TRIM16: variants seen among roughly 807,000 people sequenced by gnomAD.
TRIM16 encodes the protein tripartite motif containing 16.
TRIM16 carries 33 observed loss-of-function variants against 50.4 expected under a neutral mutation model. The ratio of observed to expected loss-of-function variants is 0.65; its 90% CI spans 0.50 to 0.88. TRIM16 has a LOEUF of 0.88. Ranked by LOEUF, TRIM16 falls within the 40% of genes least tolerant of loss-of-function variation. TRIM16 has a pLI of 0.00. For synonymous variants in TRIM16, 229 were observed against 270.7 expected (o/e 0.85, Z 1.51); for missense variants, 581 against 686.8 (o/e 0.85, Z 1.72).
chr17:15,676,671 G>A (rs1988963594), intron 6 of TRIM16, among the ~76,000 whole-genome samples: 2 of 151,786 alleles, frequency 1.3e-5, no homozygotes, highest in South Asian at 2.1e-4. Context: ...TCCTGACCTC[G>A]TGATCCGCCC....
intron 6 of TRIM16, among the ~76,000 whole-genome samples, chr17:15,657,620 G>C (rs1302287739): frequency 1.3e-5 from 2 of 152,160 alleles, no homozygotes; most frequent in Non-Finnish European, 2.9e-5. Flanking sequence ...CACTTCATAG[G>C]AGTGAAATCA....
chr17:15,632,003 C>A, intron 10 of TRIM16: 2 of 427,478 alleles, frequency 4.7e-6, no homozygotes, highest in South Asian at 2.4e-5. Context: ...ATAAGCATGA[C>A]TAATTGTCCT....
At chr17:15,675,165 A>G (rs1347298167) in intron 6 of TRIM16, among the ~76,000 whole-genome samples, 2 of 152,158 alleles carry the variant, frequency 1.3e-5, no homozygotes, top group East Asian at 1.9e-4. Context: ...TTTAGAGTCT[A>G]TTAGGCTAGT....
rs1987683944 is a variant in TRIM16, at chr17:15,651,268, C to T, written c.342G>A (p.Leu114=). 1 of 1,614,128 alleles carries T rather than the reference C, an allele frequency of 6.2e-7. No individual in the cohort carries two copies. The highest frequency in any genetic ancestry group is 1.7e-5 in the Admixed American group (1 of 60,014). The change falls in exon 7 of 12, where the codon CTG becomes CTA. Residue 114 remains leucine, a synonymous_variant. Transcript: ENST00000649191. The part of the protein sequence containing the change: ...HLQPHQVNIK[L]QSHLLTEPVK... ...CTGGCTCGGTCAGCAGGTGGCTTTG[C>T]AGTTTGATGTTCACCTGATGCGGCT...
intron 6 of TRIM16, among the ~76,000 whole-genome samples, chr17:15,660,897 CAAAAAAAA>C (rs550489491): frequency 1.5e-4 from 9 of 60,144 alleles, no homozygotes; most frequent in African/African-American, 5.1e-4. Context: ...GACTCCATCT[CAAAAAAAA>C]AAAAAAAAAA....
chr17:15,634,580 G>A (rs1472084035), intron 9 of TRIM16, among the ~76,000 whole-genome samples: 39 of 138,784 alleles, frequency 2.8e-4, no homozygotes, highest in African/African-American at 9.8e-4. Context: ...GCAGTGAGCA[G>A]AGATCGTGCC....
chr17:15,654,999 GA>G (rs11440436), intron 6 of TRIM16, among the ~76,000 whole-genome samples: 85 of 147,506 alleles, frequency 5.8e-4, no homozygotes, highest in Non-Finnish European at 6.9e-4. Context: ...TTTAAAAATT[GA>G]AAAAAAAAAA....
chr17:15,631,238 G>A (rs1351828642), intron 11 of TRIM16, among the ~76,000 whole-genome samples: 2 of 152,018 alleles, frequency 1.3e-5, no homozygotes, highest in Non-Finnish European at 2.9e-5. Flanking sequence ...TTGGACTTTG[G>A]GCCAGAAAAA....
intron 3 of TRIM16, among the ~76,000 whole-genome samples, chr17:15,681,932 T>G (rs1989200807): frequency 6.6e-6 from 1 of 152,256 alleles, no homozygotes; most frequent in Admixed American, 6.5e-5. Flanking sequence ...GTAGAATTCA[T>G]GCCTCCTGTA....
chr17:15,683,358 T>C, intron 1 of TRIM16: 1 of 435,356 alleles, frequency 2.3e-6, no homozygotes, highest in Non-Finnish European at 4.2e-6. Flanking sequence ...ACTAGGGCCC[T>C]GCAGAGTCAG....
chr17:15,655,644 G>A (rs1177276961), intron 6 of TRIM16, among the ~76,000 whole-genome samples: 5 of 151,646 alleles, frequency 3.3e-5, no homozygotes, highest in African/African-American at 7.3e-5. Context: ...GCATGATCTC[G>A]GCTCACTGCA....
chr17:15,679,725 C>T (rs920438417), intron 4 of TRIM16, among the ~76,000 whole-genome samples: 11 of 152,138 alleles, frequency 7.2e-5, no homozygotes, highest in Non-Finnish European at 8.8e-5. Flanking sequence ...ATCACAAGGT[C>T]AGGAGATCGA....
At chr17:15,655,856 G>A (rs555317457) in intron 6 of TRIM16, among the ~76,000 whole-genome samples, 17 of 152,352 alleles carry the variant, frequency 1.1e-4, no homozygotes, top group Non-Finnish European at 2.5e-4. Context: ...GTACAGGTGT[G>A]AGCCACCGCG....
At chr17:15,666,981 C>G (rs28431306) in intron 6 of TRIM16, among the ~76,000 whole-genome samples, 2 of 151,766 alleles carry the variant, frequency 1.3e-5, no homozygotes, top group African/African-American at 4.8e-5. Context: ...CTTGGGGGGG[C>G]GGTGGATGGA....
intron 6 of TRIM16, among the ~76,000 whole-genome samples, chr17:15,657,552 C>G (rs1484956485): frequency 6.6e-6 from 1 of 152,244 alleles, no homozygotes; most frequent in African/African-American, 2.4e-5. Flanking sequence ...TCCCTCTCCC[C>G]CTCCAGCCTT....
chr17:15,645,759 C>T (rs2150912293), intron 7 of TRIM16, among the ~76,000 whole-genome samples: 1 of 152,342 alleles, frequency 6.6e-6, no homozygotes, highest in East Asian at 1.9e-4. Context: ...CTCCAGGACA[C>T]TGCAGAAGGC....
chr17:15,637,614 G>A (rs1222228183), intron 8 of TRIM16, among the ~76,000 whole-genome samples: 147 of 142,276 alleles, frequency 1.0e-3, no homozygotes, highest in East Asian at 4.4e-3. Flanking sequence ...CCGTCCGGGA[G>A]GGAGGTGGGG....
chr17:15,678,692 T>C (rs1205217940), intron 4 of TRIM16, among the ~76,000 whole-genome samples: 3 of 152,222 alleles, frequency 2.0e-5, no homozygotes, highest in Non-Finnish European at 4.4e-5. Context: ...ATTAAGGCCA[T>C]ATATATTTTG....
intron 7 of TRIM16, among the ~76,000 whole-genome samples, chr17:15,644,363 T>A (rs928370307): frequency 6.6e-6 from 1 of 152,172 alleles, no homozygotes; most frequent in African/African-American, 2.4e-5. Context: ...TTTTTTTGTA[T>A]TTTTAGTAGA....
Sources: gnomAD v4.1 joint callset for allele counts (sites outside exome capture counted in the v4.1 genomes callset) on GRCh38, gnomAD v4.1.1 for gene constraint, MANE v1.5 for transcripts, NCBI Gene and HGNC (gene_info 2026-07-23, HGNC 2026-07-21) for gene names.